Variants in GABBR2 observed in about 807,000 individuals in gnomAD.
GABBR2 encodes the protein G-protein coupled receptor 51.
A neutral mutation model predicts 105.6 loss-of-function variants in GABBR2; 23 were observed. The observed-to-expected ratio is 0.22, with a 90% CI of 0.16 to 0.31. GABBR2 has a LOEUF of 0.31. Ranked by LOEUF, GABBR2 falls within the 10% of genes least tolerant of loss-of-function variation. The pLI, the probability that GABBR2 is intolerant of heterozygous loss-of-function variation, is 1.00. For synonymous variants in GABBR2, 478 were observed against 499.7 expected, an observed-to-expected ratio of 0.96 and a Z score of 0.58; for missense variants, 734 against 1,245.5, an observed-to-expected ratio of 0.59 and a Z score of 6.18.
intron 11 of GABBR2, among the ~76,000 whole-genome samples, 154 bp downstream of exon 11, chr9:98,385,486 T>C (rs1426009593): frequency 1.3e-5 from 2 of 150,108 alleles, no homozygotes; most frequent in African/African-American, 5.0e-5. Context: ...AGTAACACCG[T>C]TCTTCCCTGT....
chr9:98,533,430 C>T (rs987246311), intron 3 of GABBR2, among the ~76,000 whole-genome samples: 12 of 152,186 alleles, frequency 7.9e-5, no homozygotes, highest in African/African-American at 2.9e-4. Flanking sequence ...CTCTGCACCC[C>T]TTACACCTTC....
chr9:98,419,814 T>C (rs1471666148), intron 7 of GABBR2, among the ~76,000 whole-genome samples: 2 of 152,148 alleles, frequency 1.3e-5, no homozygotes, highest in African/African-American at 2.4e-5. Context: ...CATGGATCAA[T>C]GTGGCTCTGA....
chr9:98,607,812 G>A, intron 1 of GABBR2: 1 of 870,086 alleles, frequency 1.1e-6, no homozygotes, highest in Non-Finnish European at 1.9e-6. Context: ...ATAAAGGGCA[G>A]CTGACCAAGA....
At chr9:98,600,785 C>T (rs1300417263) in intron 1 of GABBR2, among the ~76,000 whole-genome samples, 3 of 152,252 alleles carry the variant, frequency 2.0e-5, no homozygotes, top group Non-Finnish European at 4.4e-5. Flanking sequence ...TGAGTATCCA[C>T]GGAACCGTGC....
chr9:98,515,574 A>C (rs1483078042), intron 3 of GABBR2, among the ~76,000 whole-genome samples: 4 of 151,910 alleles, frequency 2.6e-5, no homozygotes, highest in Non-Finnish European at 4.4e-5. Flanking sequence ...AGGGCTTCAG[A>C]TTTGGGGTGT....
chr9:98,557,423 G>C (rs943394577), intron 2 of GABBR2, among the ~76,000 whole-genome samples: 2 of 152,228 alleles, frequency 1.3e-5, no homozygotes, highest in Non-Finnish European at 2.9e-5. Context: ...AACTTACTGT[G>C]TGGGGTCTCA....
chr9:98,420,444 G>T (rs1054640105), intron 7 of GABBR2, among the ~76,000 whole-genome samples: 56 of 151,348 alleles, frequency 3.7e-4, no homozygotes, highest in African/African-American at 1.2e-3. Context: ...AGAGTGAAGC[G>T]CTGGGTTCAT....
intron 1 of GABBR2, among the ~76,000 whole-genome samples, chr9:98,646,342 C>T (rs1456542753): frequency 6.6e-6 from 1 of 152,196 alleles, no homozygotes; most frequent in Non-Finnish European, 1.5e-5. Context: ...ATGAGCTTTC[C>T]TGGTAGAAAC....
chr9:98,554,107 G>A (rs1315084984), intron 2 of GABBR2, among the ~76,000 whole-genome samples: 1 of 152,290 alleles, frequency 6.6e-6, no homozygotes, highest in East Asian at 1.9e-4. Flanking sequence ...TTGGGACTTT[G>A]GTTCTTAGAA....
At chr9:98,557,669 G>A (rs1249973077) in intron 2 of GABBR2, among the ~76,000 whole-genome samples, 1 of 152,124 alleles carries the variant, frequency 6.6e-6, no homozygotes, top group Non-Finnish European at 1.5e-5. Flanking sequence ...GTATCCCAGG[G>A]AGCATACTCA....
intron 9 of GABBR2, among the ~76,000 whole-genome samples, chr9:98,393,065 T>A (rs557580651): frequency 2.7e-4 from 34 of 126,804 alleles, no homozygotes; most frequent in African/African-American, 9.4e-4. Flanking sequence ...CATCCATCCA[T>A]CCATCCACAC....
intron 3 of GABBR2, among the ~76,000 whole-genome samples, chr9:98,496,885 C>T (rs2131671756): frequency 6.6e-6 from 1 of 152,274 alleles, no homozygotes; most frequent in Non-Finnish European, 1.5e-5. Context: ...TTATTTGCAA[C>T]ATTATTTCAC....
Position 98,518,542 on chromosome 9 carries a change from A to G in GABBR2, c.631-22028T>C, listed in dbSNP as rs1382624515. On this transcript the variant is annotated intron_variant, in intron 3 of 18. Transcript: ENST00000259455. ...CCATGAAGTCCTTCTGGATTCTCCA[A>G]TGAGATGCACTCACCCCTTGTGAAC... Among the ~76,000 whole-genome samples the G allele has an allele frequency of 5.3e-5, 8 of 152,048 alleles. 1 individual carries two copies. The highest frequency in any genetic ancestry group is 9.7e-5 in the African/African-American group (4 of 41,384).
chr9:98,435,257 T>C (rs1825882724), intron 7 of GABBR2, among the ~76,000 whole-genome samples: 1 of 152,210 alleles, frequency 6.6e-6, no homozygotes, highest in African/African-American at 2.4e-5. Context: ...GTATGCAAAA[T>C]ACTGTAGAAT....
chr9:98,673,309 T>C (rs1268612543), intron 1 of GABBR2, among the ~76,000 whole-genome samples: 2 of 152,108 alleles, frequency 1.3e-5, no homozygotes, highest in Non-Finnish European at 1.5e-5. Context: ...AATAGCCAAA[T>C]AGATAATCGC....
intron 1 of GABBR2, among the ~76,000 whole-genome samples, chr9:98,637,944 T>C (rs1254354751): frequency 1.3e-5 from 2 of 152,194 alleles, no homozygotes; most frequent in Non-Finnish European, 2.9e-5. Context: ...ATATACTGGA[T>C]AGTGTACATG....
chr9:98,601,804 G>A (rs1829341345), intron 1 of GABBR2, among the ~76,000 whole-genome samples: 1 of 152,170 alleles, frequency 6.6e-6, no homozygotes. Flanking sequence ...ATCTCCCACT[G>A]GAAGCTGTGA....
At chr9:98,641,533 T>A (rs973607724) in intron 1 of GABBR2, among the ~76,000 whole-genome samples, 1 of 152,120 alleles carries the variant, frequency 6.6e-6, no homozygotes, top group African/African-American at 2.4e-5. Flanking sequence ...AATCACTGAT[T>A]CAGTTATTTT....
chr9:98,344,178 C>A (rs987750168), intron 13 of GABBR2, among the ~76,000 whole-genome samples: 1 of 152,010 alleles, frequency 6.6e-6, no homozygotes, highest in Non-Finnish European at 1.5e-5. Flanking sequence ...GCTCTTGGTG[C>A]CCTCATCCAA....
Sources: gnomAD v4.1 joint callset for allele counts (sites outside exome capture counted in the v4.1 genomes callset) on GRCh38, gnomAD v4.1.1 for gene constraint, MANE v1.5 for transcripts, NCBI Gene and HGNC (gene_info 2026-07-23, HGNC 2026-07-21) for gene names.